Variants in SLC6A6 observed in about 807,000 individuals in gnomAD.
The protein encoded by SLC6A6 is sodium- and chloride-dependent taurine transporter.
In SLC6A6, 16 loss-of-function variants were observed where a neutral mutation model predicts 68.8. That is an observed-to-expected ratio of 0.23 (90% confidence interval 0.16 to 0.35). SLC6A6 has a LOEUF of 0.35. Ranked by LOEUF, SLC6A6 falls within the 10% of genes least tolerant of loss-of-function variation. SLC6A6 has a pLI of 1.00. For missense variants in SLC6A6, 474 were observed against 802.8 expected, an observed-to-expected ratio of 0.59 and a Z score of 4.95; for synonymous variants, 312 against 315.4, an observed-to-expected ratio of 0.99 and a Z score of 0.12.
chr3:14,467,907 G>T lies in SLC6A6; in HGVS notation c.922G>T (p.Ala308Ser). 1.2e-6 allele frequency: 2 copies of T among 1,613,966 alleles called. No homozygotes were observed. Among genetic ancestry groups the T allele is most frequent in the Non-Finnish European group, 1.7e-6 (2 of 1,179,892 alleles). ...CTTCTCTTATGCCATCTGCCTGGGG[G>T]CTATGACCTCGCTGGGGAGCTACAA... ...IFFSYAICLG[A>S]MTSLGSYNKY... The change falls in exon 8 of 15, where the codon GCT becomes TCT. Residue 308 changes from alanine (A) to serine (S), a missense_variant. Physicochemically the swap from Ala to Ser is moderately conservative, Grantham distance 99. Transcript: ENST00000622186.
chr3:14,454,493 G>A (rs1045721335), intron 5 of SLC6A6, among the ~76,000 whole-genome samples: 4 of 152,116 alleles, frequency 2.6e-5, no homozygotes, highest in South Asian at 2.1e-4. Context: ...AGTCAGACAC[G>A]GAAGGGACTG....
intron 11 of SLC6A6, 82 bp from the exon 12 acceptor site, chr3:14,478,384 T>C (rs1700930954): frequency 1.3e-6 from 1 of 793,854 alleles, no homozygotes; most frequent in Non-Finnish European, 2.2e-6. Context: ...TTTAATCTTA[T>C]TGATATGCCA....
Position 14,444,918 on chromosome 3 carries a change from G to A in SLC6A6, c.230-799G>A, listed in dbSNP as rs543253042. The A allele has an allele frequency of 5.6e-4, 239 of 428,860 alleles. 3 individuals carry two copies. Among genetic ancestry groups the A allele is most frequent in the South Asian group, 3.5e-3 (221 of 63,346 alleles). The allele number at this position is 428,860 out of a possible 1,614,324, so 26.6% of individuals were successfully genotyped here. A position where few individuals can be genotyped will look rare whatever the true frequency, so the allele number is the denominator to read the frequency against. The stretch of plus-strand genomic sequence containing the variant: ...CCCCCCCATTCTTCCCCTTGGTCCC[G>A]CCCCCACCGGAGATGCCTACCCTCT... On this transcript the variant is annotated intron_variant, in intron 3 of 14. Transcript: ENST00000622186.
chr3:14,408,631 T>C (rs1045498987), intron 1 of SLC6A6, among the ~76,000 whole-genome samples: 1 of 152,214 alleles, frequency 6.6e-6, no homozygotes, highest in Non-Finnish European at 1.5e-5. Flanking sequence ...CTTTTTAATA[T>C]AAGGTTATAC....
chr3:14,447,125 T>C (rs1700141284), intron 4 of SLC6A6, among the ~76,000 whole-genome samples: 1 of 152,178 alleles, frequency 6.6e-6, no homozygotes, highest in African/African-American at 2.4e-5. Context: ...TCCAACATTC[T>C]TCAATTTAGC....
At chr3:14,435,365 G>C (rs1477056781) in intron 2 of SLC6A6, among the ~76,000 whole-genome samples, 3 of 152,208 alleles carry the variant, frequency 2.0e-5, no homozygotes, top group Non-Finnish European at 4.4e-5. Context: ...TCTGAGGGTA[G>C]ACCCGTACTT....
intron 5 of SLC6A6, 58 bp from the exon 6 acceptor site, chr3:14,457,892 C>T (rs1189087162): frequency 6.3e-7 from 1 of 1,585,282 alleles, no homozygotes; most frequent in Non-Finnish European, 8.6e-7. Flanking sequence ...CGAGCCTTGG[C>T]TCTCTCTACT....
At chr3:14,429,361 A>G (rs558811485) in intron 2 of SLC6A6, among the ~76,000 whole-genome samples, 1 of 152,318 alleles carries the variant, frequency 6.6e-6, no homozygotes, top group Admixed American at 6.5e-5. Flanking sequence ...AATAGGGAAT[A>G]AGAGACTCTC....
intron 2 of SLC6A6, among the ~76,000 whole-genome samples, chr3:14,428,994 C>A (rs1266040361): frequency 6.6e-6 from 1 of 152,176 alleles, no homozygotes; most frequent in African/African-American, 2.4e-5. Flanking sequence ...CTGTGCCCCT[C>A]GCCTGCTGCA....
At position 14,417,558 on chromosome 3, in the gene SLC6A6, T is replaced by C. The variant is rs9871868; in HGVS notation, c.-12+1105T>C. ...CATCCTGGCTAACACGGTGAAACCC[T>C]GTCTCTACTAAAAAACACAAAAAAT... On this transcript the variant is annotated intron_variant, in intron 2 of 14. Coordinates refer to ENST00000622186, the MANE Select transcript of SLC6A6 (RefSeq NM_003043.6). Among the ~76,000 whole-genome samples the C allele has an allele frequency of 4.3e-3, 647 of 151,714 alleles. 4 individuals carry two copies. The highest frequency in any genetic ancestry group is 0.011 in the African/African-American group (461 of 41,080).
intron 12 of SLC6A6, 59 bp from the exon 13 acceptor site, chr3:14,479,026 C>T: frequency 9.1e-7 from 1 of 1,101,242 alleles, no homozygotes; most frequent in Non-Finnish European, 1.4e-6. Flanking sequence ...CTCATGGCCC[C>T]TGAGCTGCTG....
chr3:14,413,573 C>G (rs1285851605), intron 1 of SLC6A6, among the ~76,000 whole-genome samples: 1 of 152,230 alleles, frequency 6.6e-6, no homozygotes, highest in African/African-American at 2.4e-5. Flanking sequence ...TCAGGCCCCA[C>G]CCCAGACCTT....
At chr3:14,409,380 G>C (rs1699186219) in intron 1 of SLC6A6, among the ~76,000 whole-genome samples, 1 of 152,226 alleles carries the variant, frequency 6.6e-6, no homozygotes, top group Non-Finnish European at 1.5e-5. Context: ...ATTCTGAGAA[G>C]GGAAGGAACT....
Position 14,472,019 on chromosome 3 carries a change from C to A in SLC6A6, c.1097-186C>A, listed in dbSNP as rs1215452024. Among the ~76,000 whole-genome samples the A allele has an allele frequency of 6.6e-6, 1 of 152,134 alleles. No individual in the cohort carries two copies. Among genetic ancestry groups the A allele is most frequent in the African/African-American group, 2.4e-5 (1 of 41,418 alleles). On this transcript the variant is annotated intron_variant, in intron 9 of 14. Transcript: ENST00000622186. The surrounding 1 kb of genome is among the most constrained non-coding windows in gnomAD (Gnocchi z 4.5). ...GGAGACAGATGCTAAAACCGGGCCCCTCCTGAGCCCCAGCGTGTCCCACCC... is the reference window on the plus strand; with the variant it reads ...GGAGACAGATGCTAAAACCGGGCCCATCCTGAGCCCCAGCGTGTCCCACCC...
chr3:14,412,418 G>A lies in SLC6A6; in HGVS notation c.-53-3994G>A, dbSNP rs186001126. On this transcript the variant is annotated intron_variant, in intron 1 of 14. Coordinates refer to ENST00000622186, the MANE Select transcript of SLC6A6 (RefSeq NM_003043.6). ...AACTCGTCCAGGTGTGGTGGCTCAC[G>A]CCTGTAATCCCAGTATTTTGGGAGA... Among the ~76,000 whole-genome samples the A allele has an allele frequency of 3.2e-4, 49 of 152,252 alleles. No individual in the cohort carries two copies. In the East Asian group the frequency reaches 6.6e-3, roughly 20 times the overall value.
chr3:14,402,591 A>G (rs1361816336), upstream of SLC6A6: 1 of 397,518 alleles, frequency 2.5e-6, no homozygotes, highest in Non-Finnish European at 4.4e-6. The surrounding 1 kb of genome is among the most constrained non-coding windows in gnomAD (Gnocchi z 4.8). Flanking sequence ...TCCACCCAGC[A>G]GGATGGGTGA....
chr3:14,412,536 G>A (rs138453713), intron 1 of SLC6A6, among the ~76,000 whole-genome samples: 20 of 152,176 alleles, frequency 1.3e-4, no homozygotes, highest in Admixed American at 2.6e-4. Context: ...AAAATTCGCC[G>A]GGTGTGGTGG....
chr3:14,469,901 A>G (rs1574960182), intron 9 of SLC6A6, among the ~76,000 whole-genome samples: 1 of 152,252 alleles, frequency 6.6e-6, no homozygotes, highest in East Asian at 1.9e-4. Flanking sequence ...CCTCAGATGT[A>G]CTGTTCCCTC....
Position 14,445,757 on chromosome 3 carries a change from C to T in SLC6A6, c.270C>T (p.Ser90=), listed in dbSNP as rs2228585. 1,170 of 1,614,022 alleles carry T rather than the reference C, an allele frequency of 7.2e-4. 13 individuals carry two copies. In the African/African-American group the frequency reaches 0.013, roughly 18 times the overall value. Reference sequence around the variant, plus strand: ...CGTATTTTATTTTCCTGTTTGGGAGCGGCCTGCCTGTGTTTTTCTTGGAGA... The same window carrying T: ...CGTATTTTATTTTCCTGTTTGGGAGTGGCCTGCCTGTGTTTTTCTTGGAGA... ...LIPYFIFLFG[S]GLPVFFLEII... The change falls in exon 4 of 15, where the codon AGC becomes AGT. Residue 90 remains serine, a synonymous_variant. Transcript: ENST00000622186.
Sources: gnomAD v4.1 joint callset for allele counts (sites outside exome capture counted in the v4.1 genomes callset) on GRCh38, gnomAD v4.1.1 for gene constraint, Gnocchi (gnomAD v3.1) non-coding constraint, MANE v1.5 for transcripts, NCBI Gene and HGNC (gene_info 2026-07-23, HGNC 2026-07-21) for gene names.